The following RYR1 variants were observed in gnomAD, a reference collection of about 807,000 sequenced individuals.
The protein encoded by RYR1 is central core disease of muscle.
RYR1 carries 342 observed loss-of-function variants against 583.5 expected under a neutral mutation model. The ratio of observed to expected loss-of-function variants is 0.59; its 90% CI spans 0.54 to 0.64. The LOEUF is 0.64. Among genes scored for constraint, RYR1 ranks in the 30% least tolerant of loss-of-function variants. The pLI is 0.00. For missense variants in RYR1, 6,032 were observed against 6,917.2 expected, an observed-to-expected ratio of 0.87 and a Z score of 4.54; for synonymous variants, 2,791 against 2,822.5, an observed-to-expected ratio of 0.99 and a Z score of 0.35.
chr19:38,456,518 G>T (rs999614889), intron 16 of RYR1, among the ~76,000 whole-genome samples: 1 of 151,596 alleles, frequency 6.6e-6, no homozygotes, highest in South Asian at 2.1e-4. Context: ...CTGACCTCAG[G>T]TGATCCACCC....
Position 38,565,630 on chromosome 19 carries a change from C to T in RYR1, c.13296C>T (p.Gly4432=), listed in dbSNP as rs1365008907. ...AGGCGGTGCACGAGGCCGGGCCGGGCGGTGCCGACGGGGCGGTGGCCGTGA... is the reference window on the plus strand; with the variant it reads ...AGGCGGTGCACGAGGCCGGGCCGGGTGGTGCCGACGGGGCGGTGGCCGTGA... ...EEEAVHEAGP[G]GADGAVAVTD... Residue 4432 remains glycine (G), a synonymous_variant, in exon 91 of 106, where the codon GGC becomes GGT. Transcript: ENST00000359596. The surrounding 1 kb of genome is among the most constrained non-coding windows in gnomAD (Gnocchi z 4.7). 1.4e-6 allele frequency: 2 copies of T among 1,397,100 alleles called. No individual in the cohort carries two copies. The highest frequency in any genetic ancestry group is 1.8e-6 in the Non-Finnish European group (2 of 1,086,394). 86.5% of individuals were successfully genotyped at this position (1,397,100 alleles called of 1,614,324 possible). A position where few individuals can be genotyped will look rare whatever the true frequency, so the allele number is the denominator to read the frequency against.
At chr19:38,448,261 G>T in intron 9 of RYR1, 94 bp from the exon 10 acceptor site, 1 of 1,406,614 alleles carries the variant, frequency 7.1e-7, no homozygotes, top group Non-Finnish European at 9.7e-7. Flanking sequence ...GCAAGACCTG[G>T]TTTCTGTAAA....
chr19:38,463,872 G>A (rs1431686218), intron 22 of RYR1, 22 bp downstream of exon 22: 1 of 1,597,456 alleles, frequency 6.3e-7, no homozygotes, highest in Non-Finnish European at 8.6e-7. Flanking sequence ...GGGGAGCCGG[G>A]GGTTGGGGCT....
At chr19:38,447,028 C>T (rs1972975479) in intron 9 of RYR1, among the ~76,000 whole-genome samples, 1 of 151,392 alleles carries the variant, frequency 6.6e-6, no homozygotes, top group South Asian at 2.1e-4. Flanking sequence ...CATCATGAGA[C>T]CCCCGTCTCT....
At position 38,548,229 on chromosome 19, in the gene RYR1, G is replaced by T. The variant is rs769377982; in HGVS notation, c.12095-4G>T. 2 of 1,614,160 alleles carry T rather than the reference G, an allele frequency of 1.2e-6. No homozygotes were observed. The highest frequency in any genetic ancestry group is 1.3e-5 in the African/African-American group (1 of 75,056). The stretch of plus-strand genomic sequence containing the variant: ...CGGCCACACTGACCTGGGGCTGCCT[G>T]CAGGGAACGTGGTGAACGGCATGAT... On this transcript the variant is annotated splice_region_variant and splice_polypyrimidine_tract_variant and intron_variant, in intron 88 of 105. Transcript: ENST00000359596.
chr19:38,528,659 CCA>C lies in RYR1; in HGVS notation c.11001_11002del (p.His3667GlnfsTer3). 1 of 1,614,184 alleles carries C rather than the reference CCA, an allele frequency of 6.2e-7. No individual in the cohort carries two copies. The highest frequency in any genetic ancestry group is 8.5e-7 in the Non-Finnish European group (1 of 1,180,030). ...YKAAWILTED[H>X]SFEDRMIDDL... ...AGGCTGCATGGATCCTGACTGAAGACCACAGTTTTGAGGACCGCATGATAGAT... is the reference window on the plus strand; with the variant it reads ...AGGCTGCATGGATCCTGACTGAAGACCAGTTTTGAGGACCGCATGATAGAT... On this transcript the variant is annotated frameshift_variant, in exon 75 of 106. Transcript: ENST00000359596. LOFTEE classifies it high-confidence loss of function.
Position 38,555,883 on chromosome 19 carries a change from A to C in RYR1, c.12283-5230A>C, listed in dbSNP as rs1479811218. 3.3e-5 allele frequency among the ~76,000 whole-genome samples: 5 copies of C among 152,054 alleles called. No homozygotes were observed. The East Asian group carries it at 7.7e-4, about 24-fold the overall frequency. ...TTTTTAAATTTTCTTCTTTTTTTTG[A>C]GACAGGGTCTCACTCTGTTGTCCAG... is the stretch of plus-strand genomic sequence containing the variant. On this transcript the variant is annotated intron_variant, in intron 89 of 105. Coordinates refer to ENST00000359596, the MANE Select transcript of RYR1 (RefSeq NM_000540.3).
At position 38,535,325 on chromosome 19, in the gene RYR1, G is replaced by A. The variant is rs1427434513; in HGVS notation, c.11449G>A (p.Asp3817Asn). 2.0e-5 allele frequency: 33 copies of A among 1,614,046 alleles called. No individual in the cohort carries two copies. The highest frequency in any genetic ancestry group is 2.4e-5 in the Non-Finnish European group (28 of 1,180,028). ...GNAEVQQKML[D>N]YLKDKKEVGF... ...GCCTCGCCCTCTGCAGAAAATGCTG[G>A]ATTATCTTAAGGACAAGAAGGAAGT... The change falls in exon 81 of 106, where the codon GAT becomes AAT. Residue 3817 changes from aspartate to asparagine, a missense_variant. Asp to Asn is a conservative substitution (Grantham distance 23, BLOSUM62 1). Transcript: ENST00000359596.
chr19:38,481,441 C>A (rs1276175803), intron 31 of RYR1, among the ~76,000 whole-genome samples: 2 of 152,278 alleles, frequency 1.3e-5, no homozygotes, highest in Non-Finnish European at 2.9e-5. Flanking sequence ...CCACCACGCT[C>A]GACCAGGGTC....
intron 89 of RYR1, among the ~76,000 whole-genome samples, chr19:38,558,631 T>G (rs968903001): frequency 3.6e-5 from 5 of 137,282 alleles, no homozygotes; most frequent in African/African-American, 1.4e-4. Flanking sequence ...ATACAAAAAT[T>G]AGCTTGGCGT....
intron 96 of RYR1, among the ~76,000 whole-genome samples, chr19:38,574,957 G>A (rs1340385278): frequency 2.0e-5 from 3 of 151,442 alleles, no homozygotes; most frequent in East Asian, 2.0e-4. Context: ...GAAGAATGGC[G>A]TGAACCGAGG....
chr19:38,504,651 G>T, intron 50 of RYR1, 97 bp from the exon 51 acceptor site: 1 of 1,518,804 alleles, frequency 6.6e-7, no homozygotes. Context: ...TGGGGTTCAG[G>T]GAGGAGGGCT....
At chr19:38,545,610 C>T (rs1016789278) in intron 87 of RYR1, among the ~76,000 whole-genome samples, 65 of 152,192 alleles carry the variant, frequency 4.3e-4, no homozygotes, top group Middle Eastern at 6.8e-3. Context: ...GTCAGGAGTT[C>T]GAGACCAGCC....
Position 38,506,946 on chromosome 19 carries a change from T to C in RYR1, c.8810T>C (p.Val2937Ala). The C allele has an allele frequency of 6.2e-7, 1 of 1,612,068 alleles. No individual in the cohort carries two copies. Residue 2937 changes from valine to alanine, a missense_variant, in exon 57 of 106, where the codon GTT becomes GCT. Coordinates refer to ENST00000359596, the MANE Select transcript of RYR1 (RefSeq NM_000540.3). ...LKFLQMNGYA[V>A]TRGLKDMELD... ...TTCCTGCAGATGAATGGCTACGCGG[T>C]TACAAGGCACGCGGGTTGGGGCTCC...
chr19:38,503,134 A>G (rs191080784), intron 49 of RYR1, among the ~76,000 whole-genome samples, 164 bp downstream of exon 49: 2 of 152,292 alleles, frequency 1.3e-5, no homozygotes, highest in East Asian at 1.9e-4. Flanking sequence ...TTATTTGCAT[A>G]CTAGGATTCC....
chr19:38,445,604 G>A (rs59748798), intron 7 of RYR1, among the ~76,000 whole-genome samples: 2,235 of 151,992 alleles, frequency 0.015, 53 homozygotes, highest in African/African-American at 0.049. Flanking sequence ...AGCTCAGATC[G>A]TTCCTACGTC....
chr19:38,562,570 A>G (rs958926673), intron 90 of RYR1, among the ~76,000 whole-genome samples: 1 of 152,070 alleles, frequency 6.6e-6, no homozygotes, highest in Non-Finnish European at 1.5e-5. Context: ...CTCAGGGGAC[A>G]CCAGCTCATG....
At chr19:38,546,631 A>G (rs1272247921) in intron 88 of RYR1, 105 bp downstream of exon 88, 1 of 884,360 alleles carries the variant, frequency 1.1e-6, no homozygotes, top group Non-Finnish European at 1.9e-6. Flanking sequence ...CCCATCTGAC[A>G]TCGTGTCAGG....
At chr19:38,506,054 T>C (rs1458198710) in intron 54 of RYR1, 108 bp downstream of exon 54, 9 of 1,397,838 alleles carry the variant, frequency 6.4e-6, no homozygotes, top group Non-Finnish European at 8.8e-6. Flanking sequence ...CCCAGGGAGG[T>C]AGGTGGGGCA....
Sources: gnomAD v4.1 joint callset for allele counts (sites outside exome capture counted in the v4.1 genomes callset) on GRCh38, gnomAD v4.1.1 for gene constraint, Gnocchi (gnomAD v3.1) non-coding constraint, MANE v1.5 for transcripts, NCBI Gene and HGNC (gene_info 2026-07-23, HGNC 2026-07-21) for gene names.